GALNTL6: variants seen among roughly 807,000 people sequenced by gnomAD.
GALNTL6 encodes the protein polypeptide N-acetylgalactosaminyltransferase like 6.
Under a neutral mutation model 73.7 loss-of-function variants are expected in GALNTL6, and 46 were observed. The observed-to-expected ratio is 0.62, with a 90% CI of 0.49 to 0.80. The LOEUF (loss-of-function observed/expected upper bound fraction) is 0.80. GALNTL6 is among the 30% of genes least tolerant of loss of function. GALNTL6 has a pLI of 0.00. For missense variants in GALNTL6, 604 were observed against 755.0 expected (o/e 0.80, Z 2.34); for synonymous variants, 259 against 263.7 (o/e 0.98, Z 0.17).
intron 10 of GALNTL6, among the ~76,000 whole-genome samples, chr4:172,958,913 G>T (rs1057439937): frequency 1.3e-5 from 2 of 152,182 alleles, no homozygotes; most frequent in African/African-American, 4.8e-5. Flanking sequence ...GAGCATATGG[G>T]GTTGGCACCA....
intron 4 of GALNTL6, among the ~76,000 whole-genome samples, chr4:172,343,531 C>A (rs369253849): frequency 2.0e-5 from 3 of 151,666 alleles, no homozygotes; most frequent in African/African-American, 4.8e-5. Context: ...GTTGAAAAAA[C>A]CACTTATTTT....
At chr4:172,433,898 A>G (rs1731549382) in intron 5 of GALNTL6, among the ~76,000 whole-genome samples, 1 of 152,100 alleles carries the variant, frequency 6.6e-6, no homozygotes, top group African/African-American at 2.4e-5. Context: ...ACAGGTTTGT[A>G]ACACTTTTAT....
At chr4:172,661,697 C>T (rs1731387217) in intron 5 of GALNTL6, among the ~76,000 whole-genome samples, 1 of 152,270 alleles carries the variant, frequency 6.6e-6, no homozygotes, top group East Asian at 1.9e-4. Flanking sequence ...AGAGCACATG[C>T]CAATTTCAGG....
intron 3 of GALNTL6, among the ~76,000 whole-genome samples, chr4:172,231,275 C>G (rs1200219104): frequency 2.6e-5 from 4 of 152,152 alleles, no homozygotes; most frequent in Non-Finnish European, 5.9e-5. Context: ...TTTTCATAAT[C>G]TTACCAACTG....
intron 8 of GALNTL6, among the ~76,000 whole-genome samples, chr4:172,884,505 A>G (rs993519892): frequency 2.0e-5 from 3 of 152,124 alleles, no homozygotes; most frequent in Non-Finnish European, 2.9e-5. Flanking sequence ...TGAGTTCATT[A>G]TATATTCTGG....
At chr4:172,337,533 A>G (rs1439825883) in intron 4 of GALNTL6, among the ~76,000 whole-genome samples, 1 of 152,060 alleles carries the variant, frequency 6.6e-6, no homozygotes, top group Non-Finnish European at 1.5e-5. Context: ...TTTGCTTAAA[A>G]AGCTTAGTTT....
chr4:172,847,252 A>T (rs1485160572), intron 7 of GALNTL6, among the ~76,000 whole-genome samples: 1 of 152,146 alleles, frequency 6.6e-6, no homozygotes, highest in African/African-American at 2.4e-5. Flanking sequence ...TATCACGCTT[A>T]TTTGAGTTCT....
chr4:172,036,824 CT>C (rs1278384266), intron 2 of GALNTL6, among the ~76,000 whole-genome samples: 1 of 152,122 alleles, frequency 6.6e-6, no homozygotes, highest in Admixed American at 6.6e-5. Context: ...TTCTTATTGA[CT>C]GGTATATTTA....
intron 7 of GALNTL6, among the ~76,000 whole-genome samples, chr4:172,825,649 G>A (rs1425160330): frequency 6.6e-6 from 1 of 152,132 alleles, no homozygotes; most frequent in African/African-American, 2.4e-5. Flanking sequence ...GAGAAATTGA[G>A]CAAAGTGGTG....
rs1323992938 is a variant in GALNTL6, at chr4:172,436,734, G to C, written c.553+88045G>C. Among the ~76,000 whole-genome samples the C allele has an allele frequency of 3.9e-5, 6 of 152,148 alleles. No homozygotes were observed. The East Asian group carries it at 1.2e-3, about 29-fold the overall frequency. The stretch of plus-strand genomic sequence containing the variant: ...TACTCTCTCCTCTTGACAGCTTTCT[G>C]TTTTTCCACTTTGAAGTATTTCAGG... On this transcript the variant is annotated intron_variant, in intron 5 of 12. Transcript: ENST00000506823.
chr4:172,538,004 T>C (rs1365068470), intron 5 of GALNTL6, among the ~76,000 whole-genome samples: 1 of 152,178 alleles, frequency 6.6e-6, no homozygotes, highest in African/African-American at 2.4e-5. Context: ...TACAAGACTG[T>C]TGCAGGGGTA....
At chr4:172,164,277 T>C (rs968792299) in intron 2 of GALNTL6, among the ~76,000 whole-genome samples, 2 of 152,054 alleles carry the variant, frequency 1.3e-5, no homozygotes, top group Non-Finnish European at 2.9e-5. Context: ...GTTAGTGGGG[T>C]AATCCACTAT....
intron 12 of GALNTL6, 110 bp from the exon 13 acceptor site, chr4:173,039,823 A>G (rs541581220): frequency 1.2e-6 from 1 of 829,882 alleles, no homozygotes; most frequent in African/African-American, 1.7e-5. Context: ...TATTTACACA[A>G]TAAATATATA....
intron 5 of GALNTL6, among the ~76,000 whole-genome samples, chr4:172,798,851 A>G (rs1041082356): frequency 1.5e-4 from 23 of 152,358 alleles, no homozygotes; most frequent in African/African-American, 4.1e-4. Context: ...GAGAAAAATC[A>G]TAAATATACT....
chr4:172,086,594 G>C (rs113231289), intron 2 of GALNTL6, among the ~76,000 whole-genome samples: 4 of 151,998 alleles, frequency 2.6e-5, no homozygotes, highest in Non-Finnish European at 5.9e-5. Flanking sequence ...ATTAACTGGC[G>C]AGTCATGATT....
intron 5 of GALNTL6, among the ~76,000 whole-genome samples, chr4:172,721,426 T>C (rs1735467882): frequency 6.6e-6 from 1 of 152,216 alleles, no homozygotes; most frequent in African/African-American, 2.4e-5. Context: ...AACTTTCTTA[T>C]GTATTAAAAT....
intron 7 of GALNTL6, among the ~76,000 whole-genome samples, chr4:172,844,778 C>G (rs1353394497): frequency 6.6e-6 from 1 of 152,132 alleles, no homozygotes; most frequent in East Asian, 1.9e-4. Context: ...ATTGCATAAG[C>G]AGCTCATTGT....
chr4:171,958,695 A>T (rs1579007296), intron 2 of GALNTL6, among the ~76,000 whole-genome samples: 2 of 152,120 alleles, frequency 1.3e-5, no homozygotes, highest in South Asian at 4.1e-4. Flanking sequence ...ACATAATTGC[A>T]ATTAATCTTC....
At chr4:172,156,600 C>T (rs190163911) in intron 2 of GALNTL6, among the ~76,000 whole-genome samples, 22 of 128,084 alleles carry the variant, frequency 1.7e-4, no homozygotes, top group African/African-American at 6.5e-4. Flanking sequence ...TTGTACTTCT[C>T]TTTATCTTTC....
Sources: gnomAD v4.1 joint callset for allele counts (sites outside exome capture counted in the v4.1 genomes callset) on GRCh38, gnomAD v4.1.1 for gene constraint, MANE v1.5 for transcripts, NCBI Gene and HGNC (gene_info 2026-07-23, HGNC 2026-07-21) for gene names.